ASAP1: variants seen among roughly 807,000 people sequenced by gnomAD.
ASAP1 encodes ArfGAP with SH3 domain, ankyrin repeat and PH domain 1.
A neutral mutation model predicts 145.2 loss-of-function variants in ASAP1; 43 were observed. The ratio of observed to expected loss-of-function variants is 0.30; its 90% CI spans 0.23 to 0.38. The LOEUF is 0.38. ASAP1 is among the 10% of genes least tolerant of loss of function. ASAP1 has a pLI of 1.00. For synonymous variants in ASAP1, 546 were observed against 515.5 expected (o/e 1.06, Z -0.80); for missense variants, 1,018 against 1,355.3 (o/e 0.75, Z 3.91).
intron 11 of ASAP1, among the ~76,000 whole-genome samples, chr8:130,164,753 G>A (rs932637035): frequency 6.6e-6 from 1 of 152,142 alleles, no homozygotes; most frequent in Non-Finnish European, 1.5e-5. Flanking sequence ...TGAAATTCCA[G>A]GGATCCTATT....
intron 4 of ASAP1, among the ~76,000 whole-genome samples, chr8:130,225,068 C>G (rs562920475): frequency 2.0e-5 from 3 of 152,256 alleles, no homozygotes; most frequent in African/African-American, 7.2e-5. Context: ...TATCTTTTTG[C>G]ATTTTATTGT....
At chr8:130,339,633 T>C (rs1202125697) in intron 3 of ASAP1, among the ~76,000 whole-genome samples, 1 of 152,092 alleles carries the variant, frequency 6.6e-6, no homozygotes, top group Non-Finnish European at 1.5e-5. Context: ...AAAAAATCAA[T>C]TACTTAAAAC....
rs1317074892 is a variant in ASAP1, at chr8:130,159,855, C to T, written c.1010+9G>A. 6.2e-7 allele frequency: 1 copy of T among 1,606,234 alleles called. No homozygotes were observed. Among genetic ancestry groups the T allele is most frequent in the Non-Finnish European group, 8.5e-7 (1 of 1,172,928 alleles). ...ACACACTGAGACACTGGGCTGGGCT[C>T]ATACATACCCGTCACTTTTCTTTAG... On this transcript the variant is annotated intron_variant, in intron 12 of 29. Transcript: ENST00000518721.
At chr8:130,243,537 C>G (rs192413001) in intron 3 of ASAP1, among the ~76,000 whole-genome samples, 121 of 152,258 alleles carry the variant, frequency 7.9e-4, no homozygotes, top group African/African-American at 2.8e-3. Context: ...CAAGGCCCTA[C>G]GTGACCCAGC....
At chr8:130,216,519 T>A (rs921223450) in intron 4 of ASAP1, among the ~76,000 whole-genome samples, 3 of 152,218 alleles carry the variant, frequency 2.0e-5, no homozygotes, top group Non-Finnish European at 4.4e-5. Flanking sequence ...TTCCAGGATA[T>A]CACACTTTCT....
chr8:130,320,073 C>A (rs1359047247), intron 3 of ASAP1, among the ~76,000 whole-genome samples: 2 of 152,120 alleles, frequency 1.3e-5, no homozygotes. Flanking sequence ...GTATTTTCCA[C>A]ATTTTTATAA....
chr8:130,229,226 T>A (rs960992549), intron 4 of ASAP1, among the ~76,000 whole-genome samples: 2 of 152,196 alleles, frequency 1.3e-5, no homozygotes, highest in African/African-American at 4.8e-5. Flanking sequence ...TGGAGAAACC[T>A]CTCCAGTCAT....
intron 7 of ASAP1, among the ~76,000 whole-genome samples, chr8:130,185,398 G>A (rs1195512628): frequency 6.6e-6 from 1 of 152,146 alleles, no homozygotes; most frequent in Non-Finnish European, 1.5e-5. Context: ...ATGTGGTTGT[G>A]GTCTTCACCA....
intron 3 of ASAP1, among the ~76,000 whole-genome samples, chr8:130,355,222 C>A (rs1288677055): frequency 6.6e-6 from 1 of 152,166 alleles, no homozygotes; most frequent in Non-Finnish European, 1.5e-5. Flanking sequence ...GTGCTCATCA[C>A]AGAGATTTAA....
rs760080149 is a variant in ASAP1 at position 130,167,634 on chromosome 8, A to T, written c.823-12T>A. ...TGGGTCTGTTTTATCTATGAAAAAAAAATTACTTCTATTACTTACCATTTA... is the reference window on the plus strand; with the variant it reads ...TGGGTCTGTTTTATCTATGAAAAAATAATTACTTCTATTACTTACCATTTA... On this transcript the variant is annotated splice_polypyrimidine_tract_variant and intron_variant, in intron 10 of 29. Transcript: ENST00000518721. 4.4e-5 allele frequency: 70 copies of T among 1,591,264 alleles called. No homozygotes were observed. The highest frequency in any genetic ancestry group is 5.8e-5 in the Non-Finnish European group (67 of 1,160,210).
At chr8:130,120,410 T>C (rs559157674) in intron 18 of ASAP1, among the ~76,000 whole-genome samples, 52 of 152,352 alleles carry the variant, frequency 3.4e-4, no homozygotes, top group Admixed American at 3.1e-3. Flanking sequence ...TCACTGAATC[T>C]CAGTTTCTTT....
chr8:130,224,396 A>C (rs1019744036), intron 4 of ASAP1, among the ~76,000 whole-genome samples: 1 of 152,204 alleles, frequency 6.6e-6, no homozygotes, highest in Non-Finnish European at 1.5e-5. Flanking sequence ...TGTTTTTAAA[A>C]TTATATAAGT....
chr8:130,328,195 G>A (rs1824457153), intron 3 of ASAP1, among the ~76,000 whole-genome samples: 1 of 151,998 alleles, frequency 6.6e-6, no homozygotes, highest in Non-Finnish European at 1.5e-5. Flanking sequence ...ATGAGGAAAT[G>A]ACCACGACTG....
At chr8:130,391,424 A>C (rs145348763) in intron 2 of ASAP1, among the ~76,000 whole-genome samples, 1 of 152,264 alleles carries the variant, frequency 6.6e-6, no homozygotes, top group African/African-American at 2.4e-5. Flanking sequence ...AAAACAGTTA[A>C]CAATAGTAAT....
intron 5 of ASAP1, among the ~76,000 whole-genome samples, chr8:130,204,229 T>C (rs1342121155): frequency 1.3e-5 from 2 of 152,194 alleles, no homozygotes; most frequent in Admixed American, 6.5e-5. Flanking sequence ...ACGCTACTTA[T>C]GAGAATCTAA....
intron 3 of ASAP1, among the ~76,000 whole-genome samples, chr8:130,264,872 G>C (rs1346702568): frequency 3.9e-5 from 6 of 152,106 alleles, no homozygotes; most frequent in African/African-American, 1.2e-4. Context: ...GAATGTCCTG[G>C]AGAAGGTGGC....
intron 10 of ASAP1, 54 bp from the exon 11 acceptor site, chr8:130,167,676 G>A: frequency 6.8e-6 from 9 of 1,326,118 alleles, no homozygotes; most frequent in Non-Finnish European, 9.7e-6. Flanking sequence ...CACAGGCAGA[G>A]TTTAATTTAT....
At chr8:130,417,073 C>CA (rs11451150) in intron 1 of ASAP1, among the ~76,000 whole-genome samples, 11,702 of 152,238 alleles carry the variant, frequency 0.077, 503 homozygotes, top group Middle Eastern at 0.11. Flanking sequence ...TACACACATG[C>CA]AAAGTGCAAC....
chr8:130,423,347 C>T (rs917339437), intron 1 of ASAP1, among the ~76,000 whole-genome samples: 23 of 152,282 alleles, frequency 1.5e-4, no homozygotes, highest in African/African-American at 5.3e-4. Context: ...CTGGGGCGGG[C>T]AAGAAATGTA....
Sources: gnomAD v4.1 joint callset for allele counts (sites outside exome capture counted in the v4.1 genomes callset) on GRCh38, gnomAD v4.1.1 for gene constraint, MANE v1.5 for transcripts, NCBI Gene and HGNC (gene_info 2026-07-23, HGNC 2026-07-21) for gene names.